The following PMPCA variants were observed in gnomAD, a reference collection of about 807,000 sequenced individuals.
PMPCA encodes mitochondrial-processing peptidase subunit alpha.
PMPCA carries 47 observed loss-of-function variants against 59.3 expected under a neutral mutation model. The observed-to-expected ratio is 0.79, with a 90% CI of 0.63 to 1.01. The LOEUF (loss-of-function observed/expected upper bound fraction) is 1.01, where lower values mean the gene tolerates loss of function less well. PMPCA is among the 50% of genes least tolerant of loss of function. PMPCA has a pLI of 0.00. For synonymous variants in PMPCA, 338 were observed against 290.3 expected, an observed-to-expected ratio of 1.16 and a Z score of -1.67; for missense variants, 726 against 704.5, an observed-to-expected ratio of 1.03 and a Z score of -0.34.
intron 4 of PMPCA, among the ~76,000 whole-genome samples, chr9:136,413,613 C>T (rs1164181482): frequency 2.0e-5 from 3 of 152,162 alleles, no homozygotes; most frequent in Non-Finnish European, 1.5e-5. Context: ...CCTCTTAATA[C>T]CCCCTGACTC....
At position 136,416,332 on chromosome 9, in the gene PMPCA, C is replaced by T. The variant is rs138704500; in HGVS notation, c.574C>T (p.Leu192=). ...EMTRMAVQFE[L]EDLNLRPDPE... ...GACGCGGATGGCGGTCCAGTTTGAG[C>T]TGGAGGACCTGAACCTGCGGCCTGA... The change falls in exon 6 of 13, where the codon CTG becomes TTG. Residue 192 remains leucine (L), a synonymous_variant. Coordinates refer to ENST00000371717, the MANE Select transcript of PMPCA (RefSeq NM_015160.3). 6.2e-7 allele frequency: 1 copy of T among 1,613,954 alleles called. No individual in the cohort carries two copies. Among genetic ancestry groups the T allele is most frequent in the South Asian group, 1.1e-5 (1 of 91,070 alleles).
In PMPCA at chr9:136,418,024, G is replaced by A; in HGVS notation, c.905G>A (p.Arg302Lys). The A allele has an allele frequency of 6.2e-7, 1 of 1,612,320 alleles. No individual in the cohort carries two copies. Among genetic ancestry groups the A allele is most frequent in the Non-Finnish European group, 8.5e-7 (1 of 1,178,324 alleles). ...TTGTTTTCTTGGTTACAGCTAGAAA[G>A]AGACATGTCCAATGTCAGCCTGGGC... Reference protein sequence around the residue: ...QYTGGIAKLERDMSNVSLGPT... With the variant: ...QYTGGIAKLEKDMSNVSLGPT... Residue 302 changes from arginine to lysine, a missense_variant, in exon 8 of 13, where the codon AGA becomes AAA. Coordinates refer to ENST00000371717, the MANE Select transcript of PMPCA (RefSeq NM_015160.3).
intron 2 of PMPCA, 70 bp downstream of exon 2, chr9:136,412,269 T>G (rs1487062259): frequency 8.9e-7 from 1 of 1,128,228 alleles, no homozygotes; most frequent in Non-Finnish European, 1.4e-6. Flanking sequence ...TGACTGTTAG[T>G]TGTAATTAGC....
Position 136,423,608 on chromosome 9 carries a change from C to G in PMPCA, c.*344C>G. The G allele has an allele frequency of 3.5e-6, 1 of 285,754 alleles. No individual in the cohort carries two copies. The allele number at this position is 285,754 out of a possible 1,614,324, so 17.7% of individuals were successfully genotyped here. ...GCCCTGAGCTGGGAGGCAGCAAAGG[C>G]TGACCTATCAAAGCCTCCCGGAGGC... is the stretch of plus-strand genomic sequence containing the variant. On this transcript the variant is annotated 3_prime_UTR_variant, in exon 13 of 13. Transcript: ENST00000371717.
chr9:136,422,656 G>A (rs1256768917), intron 12 of PMPCA: 8 of 1,009,192 alleles, frequency 7.9e-6, no homozygotes, highest in Non-Finnish European at 8.3e-6. Context: ...CTCGGGCCTC[G>A]TTTTCTGTAG....
chr9:136,413,864 G>A (rs1835201136), intron 4 of PMPCA, among the ~76,000 whole-genome samples: 1 of 152,216 alleles, frequency 6.6e-6, no homozygotes, highest in Non-Finnish European at 1.5e-5. Flanking sequence ...CTCTTCAGAG[G>A]CACTGGTGAC....
intron 7 of PMPCA, among the ~76,000 whole-genome samples, chr9:136,417,766 CAT>C (rs1835323188): frequency 6.8e-6 from 1 of 146,626 alleles, no homozygotes. Context: ...TATGTATATA[CAT>C]ATGTTTTTTT....
At chr9:136,414,992 G>T (rs1835235383) in intron 5 of PMPCA, among the ~76,000 whole-genome samples, 1 of 152,192 alleles carries the variant, frequency 6.6e-6, no homozygotes, top group Admixed American at 6.5e-5. Context: ...GGAGGCTGAG[G>T]TAGGAAGATC....
At chr9:136,414,757 T>C (rs1183324753) in intron 5 of PMPCA, 110 bp downstream of exon 5, 1 of 716,294 alleles carries the variant, frequency 1.4e-6, no homozygotes, top group Non-Finnish European at 2.5e-6. Context: ...ATTGGAGCTT[T>C]AGGCCAACAC....
intron 9 of PMPCA, 66 bp from the exon 10 acceptor site, chr9:136,418,759 TTTC>T: frequency 6.6e-7 from 1 of 1,512,574 alleles, no homozygotes; most frequent in Non-Finnish European, 9.2e-7. Context: ...CCAGGTGACT[TTTC>T]TCCAGTTTCC....
chr9:136,412,050 T>TC lies in PMPCA; in HGVS notation c.130dup (p.Leu44ProfsTer17). On this transcript the variant is annotated frameshift_variant, in exon 2 of 13. Coordinates refer to ENST00000371717, the MANE Select transcript of PMPCA (RefSeq NM_015160.3). LOFTEE classifies it high-confidence loss of function. ...AGTAGTGGTGGTGCCTATCCCAACA[T>TC]CCCCCTCTCTTCTCCCTTACCTGGA... is the stretch of plus-strand genomic sequence containing the variant. The TC allele has an allele frequency of 6.2e-7, 1 of 1,613,186 alleles. No homozygotes were observed. The highest frequency in any genetic ancestry group is 8.5e-7 in the Non-Finnish European group (1 of 1,179,264).
At chr9:136,422,225 C>A (rs1835476710) in intron 12 of PMPCA, 7 of 1,443,948 alleles carry the variant, frequency 4.8e-6, no homozygotes, top group Non-Finnish European at 6.5e-6. Context: ...CTCTGCACCC[C>A]TGGGAGGGGC....
intron 6 of PMPCA, chr9:136,416,683 A>G (rs112547659): frequency 1.3e-4 from 74 of 590,444 alleles, no homozygotes; most frequent in African/African-American, 1.2e-3. Flanking sequence ...CTGTTTATAC[A>G]ATGTTCGTAT....
intron 11 of PMPCA, among the ~76,000 whole-genome samples, chr9:136,421,540 G>T (rs1471611114): frequency 6.6e-6 from 1 of 151,748 alleles, no homozygotes; most frequent in Admixed American, 6.6e-5. Context: ...TTCCTGAGCA[G>T]CTGGGACTAC....
In PMPCA at chr9:136,412,820, G is replaced by A. The variant is rs777534357; in HGVS notation, c.365G>A (p.Arg122Gln). Reference protein sequence around the residue: ...LEKLAFSSTARFDSKDEILLT... With the variant: ...LEKLAFSSTAQFDSKDEILLT... ...ATTTATTTTTACTAGTCTACTGCTC[G>A]ATTTGACAGCAAAGATGAAATTCTG... Residue 122 changes from arginine (R) to glutamine (Q), a missense_variant, in exon 4 of 13, where the codon CGA becomes CAA. By Grantham distance (43) the Arg-to-Gln change is conservative (BLOSUM62 1). Transcript: ENST00000371717. The A allele has an allele frequency of 6.3e-6, 10 of 1,598,268 alleles. No homozygotes were observed. Among genetic ancestry groups the A allele is most frequent in the Admixed American group, 3.3e-5 (2 of 59,900 alleles).
chr9:136,421,721 T>C (rs1588823452), intron 11 of PMPCA, 111 bp from the exon 12 acceptor site: 1 of 1,084,944 alleles, frequency 9.2e-7, no homozygotes, highest in Admixed American at 2.3e-5. Context: ...TGCCCTTCCC[T>C]TTCTTATGTT....
At position 136,412,551 on chromosome 9, in the gene PMPCA, G is replaced by A. The variant is rs777078023; in HGVS notation, c.336G>A (p.Leu112=). 2 of 1,592,638 alleles carry A rather than the reference G, an allele frequency of 1.3e-6. No homozygotes were observed. The highest frequency in any genetic ancestry group is 1.7e-6 in the Non-Finnish European group (2 of 1,163,034). Residue 112 remains leucine (L), a synonymous_variant, in exon 3 of 13, where the codon TTG becomes TTA. Transcript: ENST00000371717. The part of the protein sequence containing the change: ...AKYLSGIAHF[L]EKLAFSSTAR... ...ACCTTAGTGGAATTGCTCACTTTTT[G>A]GAAAAATTGGCATTTTCGGTCAGTA...
chr9:136,414,527 C>T lies in PMPCA; in HGVS notation c.438-26C>T, dbSNP rs368549206. Reference sequence around the variant, plus strand: ...AGCAGAGTGTGAGTTCAGGGCCTGGCATTATGGGCTTGTGTTTTCTTCCAG... The same window carrying T: ...AGCAGAGTGTGAGTTCAGGGCCTGGTATTATGGGCTTGTGTTTTCTTCCAG... On this transcript the variant is annotated intron_variant, in intron 4 of 12. Coordinates refer to ENST00000371717, the MANE Select transcript of PMPCA (RefSeq NM_015160.3). The T allele has an allele frequency of 4.7e-6, 7 of 1,478,086 alleles. No homozygotes were observed. In the African/African-American group the frequency reaches 8.3e-5, roughly 18 times the overall value. 91.6% of individuals were successfully genotyped at this position (1,478,086 alleles called of 1,614,324 possible).
At chr9:136,422,175 C>T (rs1835474761) in intron 12 of PMPCA, 199 bp downstream of exon 12, 15 of 1,520,980 alleles carry the variant, frequency 9.9e-6, no homozygotes, top group Non-Finnish European at 1.3e-5. Flanking sequence ...CTTCCCGGCC[C>T]CACCATGCAC....
Sources: allele counts gnomAD v4.1 joint callset (sites outside exome capture counted in the v4.1 genomes callset), GRCh38; gene constraint gnomAD v4.1.1; transcripts MANE v1.5; gene names NCBI Gene and HGNC (gene_info 2026-07-23, HGNC 2026-07-21).